PSD3: variants seen among roughly 807,000 people sequenced by gnomAD.
The protein encoded by PSD3 is PH and SEC7 domain-containing protein 3.
Under a neutral mutation model 105.5 loss-of-function variants are expected in PSD3, and 49 were observed. That is an observed-to-expected ratio of 0.46 (90% CI 0.37 to 0.59). The LOEUF (loss-of-function observed/expected upper bound fraction) is 0.59. Among genes scored for constraint, PSD3 ranks in the 20% least tolerant of loss-of-function variants. PSD3 has a pLI of 0.00. For synonymous variants in PSD3, 557 were observed against 457.8 expected (o/e 1.22, Z -2.77); for missense variants, 1,561 against 1,263.8 (o/e 1.24, Z -3.57).
chr8:19,040,960 A>G (rs1339462400), intron 1 of PSD3, among the ~76,000 whole-genome samples: 2 of 152,094 alleles, frequency 1.3e-5, no homozygotes, highest in Non-Finnish European at 2.9e-5. Flanking sequence ...AGACACGATC[A>G]TAGCACATTG....
intron 12 of PSD3, among the ~76,000 whole-genome samples, chr8:18,592,323 T>C (rs1029957041): frequency 1.3e-5 from 2 of 152,046 alleles, no homozygotes; most frequent in African/African-American, 2.4e-5. Flanking sequence ...TTTGAAATTA[T>C]CCACTCAGAG....
chr8:18,547,801 T>C (rs768552399), intron 15 of PSD3, among the ~76,000 whole-genome samples: 5 of 152,114 alleles, frequency 3.3e-5, no homozygotes. Context: ...TGATTGGAGG[T>C]CTTTGAGATT....
chr8:18,989,173 C>T (rs1323873845), intron 1 of PSD3: 1 of 152,184 alleles, frequency 6.6e-6, no homozygotes, highest in Non-Finnish European at 1.5e-5. Context: ...TCTCAATAAC[C>T]AGTGAGCACC....
intron 6 of PSD3, 141 bp from the exon 7 acceptor site, chr8:18,801,523 A>T (rs1810687191): frequency 1.8e-6 from 1 of 564,484 alleles, no homozygotes; most frequent in Non-Finnish European, 3.1e-6. Context: ...CCCCAAAAAA[A>T]TCATTTACTA....
In PSD3 at chr8:18,848,418, T is replaced by A. The variant is rs148333132; in HGVS notation, c.1634+19256A>T. Reference sequence around the variant, plus strand: ...CCTCTTGCCAGAGCTGGTCCCCTGGTTGCATGGCCCTGAGACCTCCCAAGA... The same window carrying A: ...CCTCTTGCCAGAGCTGGTCCCCTGGATGCATGGCCCTGAGACCTCCCAAGA... On this transcript the variant is annotated intron_variant, in intron 4 of 15. Coordinates refer to ENST00000327040, the MANE Select transcript of PSD3 (RefSeq NM_015310.4). 3.1e-3 allele frequency among the ~76,000 whole-genome samples: 473 copies of A among 152,298 alleles called. 5 individuals are homozygous for A. Among genetic ancestry groups the A allele is most frequent in the African/African-American group, 0.011 (442 of 41,566 alleles).
chr8:19,052,394 C>T (rs947002805), intron 1 of PSD3, among the ~76,000 whole-genome samples: 1 of 151,056 alleles, frequency 6.6e-6, no homozygotes, highest in Non-Finnish European at 1.5e-5. Context: ...ATCACTTGAA[C>T]CCAGGAGGCA....
intron 4 of PSD3, among the ~76,000 whole-genome samples, chr8:18,836,341 A>G (rs1489588075): frequency 6.6e-6 from 1 of 152,214 alleles, no homozygotes; most frequent in Non-Finnish European, 1.5e-5. Flanking sequence ...TACTTTCGGA[A>G]TCAGTTATTT....
intron 11 of PSD3, among the ~76,000 whole-genome samples, chr8:18,622,213 T>C (rs1308830025): frequency 1.3e-5 from 2 of 152,206 alleles, no homozygotes; most frequent in African/African-American, 4.8e-5. Flanking sequence ...GACTAAAGAA[T>C]CTATAAAAGA....
In PSD3 at chr8:18,553,517, G is replaced by A. The variant is rs973469106; in HGVS notation, c.2928+2692C>T. ...TCACGCATGTTGTCAACAAACGTGCGTCAATTAGTCAGTGTTCCAGAAACT... is the reference window on the plus strand; with the variant it reads ...TCACGCATGTTGTCAACAAACGTGCATCAATTAGTCAGTGTTCCAGAAACT... On this transcript the variant is annotated intron_variant, in intron 15 of 15. Coordinates refer to ENST00000327040, the MANE Select transcript of PSD3 (RefSeq NM_015310.4). Among the ~76,000 whole-genome samples the A allele has an allele frequency of 6.6e-5, 10 of 152,116 alleles. No individual in the cohort carries two copies. The East Asian group carries it at 7.7e-4, about 12-fold the overall frequency.
intron 4 of PSD3, among the ~76,000 whole-genome samples, chr8:18,858,951 G>A (rs890186708): frequency 3.9e-5 from 6 of 152,048 alleles, no homozygotes; most frequent in African/African-American, 1.4e-4. Context: ...GTTCTTAATG[G>A]CATCTAGAAT....
chr8:18,823,511 G>A (rs1015787517), intron 4 of PSD3, among the ~76,000 whole-genome samples: 1 of 151,910 alleles, frequency 6.6e-6, no homozygotes, highest in East Asian at 1.9e-4. Context: ...TGATCAAACC[G>A]CCTTCTGGGT....
At chr8:19,047,299 T>C (rs1236259214) in intron 1 of PSD3, among the ~76,000 whole-genome samples, 1 of 152,172 alleles carries the variant, frequency 6.6e-6, no homozygotes, top group Admixed American at 6.6e-5. Flanking sequence ...CCCTGTGGCC[T>C]CCAGGGTACA....
intron 1 of PSD3, among the ~76,000 whole-genome samples, chr8:19,067,446 G>A (rs1335412917): frequency 6.6e-6 from 1 of 152,108 alleles, no homozygotes; most frequent in East Asian, 1.9e-4. Context: ...CCCACAGAAG[G>A]CACCAGAACA....
Position 18,612,364 on chromosome 8 carries a change from G to A in PSD3, c.2411-11930C>T, listed in dbSNP as rs146089720. On this transcript the variant is annotated intron_variant, in intron 11 of 15. Transcript: ENST00000327040. The stretch of plus-strand genomic sequence containing the variant: ...CAATGTTTGAGAACACCGCTTTAAC[G>A]TTACTGATGCATTTTTTTTTTTCTT... 9.7e-3 allele frequency among the ~76,000 whole-genome samples: 1,407 copies of A among 145,660 alleles called. 22 individuals are homozygous for A. The highest frequency in any genetic ancestry group is 0.034 in the African/African-American group (1,332 of 39,024).
intron 12 of PSD3, among the ~76,000 whole-genome samples, chr8:18,589,054 G>A (rs1479500963): frequency 5.9e-5 from 9 of 152,184 alleles, no homozygotes; most frequent in Non-Finnish European, 1.3e-4. Flanking sequence ...CTGGGGAAAT[G>A]GCTGTGATAT....
chr8:18,568,723 T>C (rs950114075), intron 14 of PSD3, among the ~76,000 whole-genome samples: 2 of 151,734 alleles, frequency 1.3e-5, no homozygotes, highest in East Asian at 1.9e-4. Context: ...TTTTTTATTA[T>C]ACTTTAAGTT....
chr8:18,557,226 A>G (rs1301153656), intron 14 of PSD3, among the ~76,000 whole-genome samples: 2 of 152,238 alleles, frequency 1.3e-5, no homozygotes, highest in Non-Finnish European at 2.9e-5. Context: ...CAAATTTCAC[A>G]GGTACAATAA....
intron 2 of PSD3, among the ~76,000 whole-genome samples, chr8:18,886,594 T>C (rs777386864): frequency 6.6e-6 from 1 of 152,122 alleles, no homozygotes; most frequent in Non-Finnish European, 1.5e-5. Flanking sequence ...GACCTACAAA[T>C]AGAGGTTACT....
At chr8:18,601,384 T>C (rs1804429978) in intron 11 of PSD3, among the ~76,000 whole-genome samples, 1 of 152,218 alleles carries the variant, frequency 6.6e-6, no homozygotes, top group Non-Finnish European at 1.5e-5. Flanking sequence ...CTCATGCTCT[T>C]GTATCAAACA....
Sources: gnomAD v4.1 joint callset for allele counts (sites outside exome capture counted in the v4.1 genomes callset) on GRCh38, gnomAD v4.1.1 for gene constraint, MANE v1.5 for transcripts, NCBI Gene and HGNC (gene_info 2026-07-23, HGNC 2026-07-21) for gene names.